The following EXOC4 variants were observed in gnomAD, a reference collection of about 807,000 sequenced individuals.
The protein encoded by EXOC4 is SEC8-like 1.
EXOC4 carries 71 observed loss-of-function variants against 107.2 expected under a neutral mutation model. The observed-to-expected ratio is 0.66, with a 90% CI of 0.55 to 0.81. The LOEUF (loss-of-function observed/expected upper bound fraction) is 0.81. EXOC4 is among the 30% of genes least tolerant of loss of function. The probability of loss-of-function intolerance (pLI) is 0.00; values close to 1 mark genes in which losing one functional copy is unlikely to be tolerated. For missense variants in EXOC4, 1,108 were observed against 1,189.6 expected, an observed-to-expected ratio of 0.93 and a Z score of 1.01; for synonymous variants, 456 against 441.2, an observed-to-expected ratio of 1.03 and a Z score of -0.42.
intron 7 of EXOC4, among the ~76,000 whole-genome samples, chr7:133,387,239 A>C (rs1796748699): frequency 6.6e-6 from 1 of 152,184 alleles, no homozygotes; most frequent in African/African-American, 2.4e-5. Flanking sequence ...AGGTTTACAG[A>C]AGGCAAATTT....
At chr7:133,963,256 G>C (rs1486773586) in intron 14 of EXOC4, among the ~76,000 whole-genome samples, 1 of 152,234 alleles carries the variant, frequency 6.6e-6, no homozygotes, top group Non-Finnish European at 1.5e-5. Context: ...GGAGGCATCT[G>C]TAGTACTCAG....
At chr7:133,520,666 A>C (rs1030881848) in intron 9 of EXOC4, among the ~76,000 whole-genome samples, 2 of 152,164 alleles carry the variant, frequency 1.3e-5, no homozygotes, top group Non-Finnish European at 2.9e-5. Flanking sequence ...AATCAATTAC[A>C]GGGGAGATCT....
intron 9 of EXOC4, among the ~76,000 whole-genome samples, chr7:133,554,313 A>C (rs919068059): frequency 1.3e-5 from 2 of 152,208 alleles, no homozygotes; most frequent in Non-Finnish European, 2.9e-5. Context: ...AAAATAATGT[A>C]AATGTCAACA....
chr7:133,822,805 C>T (rs1027432390), intron 11 of EXOC4, among the ~76,000 whole-genome samples: 6 of 152,140 alleles, frequency 3.9e-5, no homozygotes, highest in Non-Finnish European at 8.8e-5. Flanking sequence ...CTTAACATAA[C>T]GTCGTCATGA....
At chr7:133,954,350 A>G (rs969573764) in intron 14 of EXOC4, among the ~76,000 whole-genome samples, 4 of 152,204 alleles carry the variant, frequency 2.6e-5, no homozygotes, top group African/African-American at 7.2e-5. Context: ...CCTTGCTCTA[A>G]GTGTATGTGT....
intron 7 of EXOC4, among the ~76,000 whole-genome samples, chr7:133,396,586 T>G (rs1168288363): frequency 3.9e-5 from 6 of 152,204 alleles, no homozygotes; most frequent in Non-Finnish European, 7.4e-5. Context: ...GAGTGGCAAG[T>G]TGGGTGCCAA....
At chr7:133,868,331 GA>G (rs1798683969) in intron 11 of EXOC4, among the ~76,000 whole-genome samples, 2 of 152,314 alleles carry the variant, frequency 1.3e-5, no homozygotes, top group South Asian at 4.1e-4. Flanking sequence ...CAATATGCAG[GA>G]AACCAAATGA....
chr7:133,941,534 A>T (rs1322363593), intron 14 of EXOC4, among the ~76,000 whole-genome samples: 1 of 152,034 alleles, frequency 6.6e-6, no homozygotes, highest in East Asian at 1.9e-4. Context: ...TCTCCTTTAC[A>T]CATAAAAGGG....
At chr7:133,847,766 T>C (rs1798161214) in intron 11 of EXOC4, among the ~76,000 whole-genome samples, 2 of 151,604 alleles carry the variant, frequency 1.3e-5, no homozygotes, top group African/African-American at 4.9e-5. Context: ...TGAAGTGCAA[T>C]GGCATGATCT....
At chr7:133,307,802 G>A (rs1467910565) in intron 4 of EXOC4, among the ~76,000 whole-genome samples, 1 of 152,152 alleles carries the variant, frequency 6.6e-6, no homozygotes, top group Admixed American at 6.5e-5. Context: ...CCTTGCTGGC[G>A]GTCCCAGGAG....
chr7:133,287,675 G>A (rs1266911956), intron 2 of EXOC4, among the ~76,000 whole-genome samples: 1 of 152,176 alleles, frequency 6.6e-6, no homozygotes, highest in Non-Finnish European at 1.5e-5. Flanking sequence ...TAACATGGGA[G>A]ACTTTCATAG....
chr7:133,809,038 A>G (rs1797151257), intron 10 of EXOC4, among the ~76,000 whole-genome samples: 1 of 151,976 alleles, frequency 6.6e-6, no homozygotes, highest in Non-Finnish European at 1.5e-5. Flanking sequence ...GGGTCCAAAG[A>G]TTATTTCAGT....
chr7:133,337,813 A>G (rs987696873), intron 5 of EXOC4, among the ~76,000 whole-genome samples: 3 of 151,374 alleles, frequency 2.0e-5, no homozygotes, highest in African/African-American at 7.3e-5. Flanking sequence ...TGCATTTTTT[A>G]TAGAAACAGG....
chr7:133,479,975 A>C (rs1799114610), intron 8 of EXOC4, 75 bp from the exon 9 acceptor site: 1 of 1,177,780 alleles, frequency 8.5e-7, no homozygotes, highest in Non-Finnish European at 1.3e-6. Context: ...AGAGTAGAAT[A>C]ATGTGGAATA....
intron 17 of EXOC4, among the ~76,000 whole-genome samples, chr7:134,040,443 C>A (rs1795488518): frequency 6.6e-6 from 1 of 152,160 alleles, no homozygotes; most frequent in South Asian, 2.1e-4. Context: ...AACTCCCAGC[C>A]TTCAAAACAC....
At chr7:133,764,408 A>G (rs1796095279) in intron 10 of EXOC4, among the ~76,000 whole-genome samples, 1 of 152,086 alleles carries the variant, frequency 6.6e-6, no homozygotes, top group African/African-American at 2.4e-5. Context: ...GGCTTCATGA[A>G]TATTTTATGA....
At chr7:133,256,416 A>G (rs1795020641) in intron 1 of EXOC4, among the ~76,000 whole-genome samples, 1 of 152,254 alleles carries the variant, frequency 6.6e-6, no homozygotes, top group African/African-American at 2.4e-5. Flanking sequence ...AGGAAAACCC[A>G]TGTTAGGCTC....
downstream of EXOC4, among the ~76,000 whole-genome samples, chr7:134,066,749 A>G (rs1192151419): frequency 1.3e-5 from 2 of 152,146 alleles, no homozygotes; most frequent in South Asian, 2.1e-4. Context: ...CCAACCAGAA[A>G]GTGCTAGAGA....
intron 9 of EXOC4, among the ~76,000 whole-genome samples, chr7:133,620,012 G>T (rs145001629): frequency 3.4e-5 from 5 of 146,382 alleles, no homozygotes; most frequent in African/African-American, 1.3e-4. Context: ...GTGTGTGTTT[G>T]TTTTTTTTTG....
Sources: allele counts gnomAD v4.1 joint callset (sites outside exome capture counted in the v4.1 genomes callset), GRCh38; gene constraint gnomAD v4.1.1; transcripts MANE v1.5; gene names NCBI Gene and HGNC (gene_info 2026-07-23, HGNC 2026-07-21).